The following ZMYM1 variants were observed in gnomAD, a reference collection of about 807,000 sequenced individuals.
The protein encoded by ZMYM1 is zinc finger MYM-type containing 1, also known as zinc finger MYM-type protein 1.
ZMYM1 carries 39 observed loss-of-function variants against 60.0 expected under a neutral mutation model. The observed-to-expected ratio is 0.65, with a 90% CI of 0.50 to 0.85. The LOEUF is 0.85. Ranked by LOEUF, ZMYM1 falls within the 40% of genes least tolerant of loss-of-function variation. The pLI is 0.00. For missense variants in ZMYM1, 1,171 were observed against 1,309.5 expected (o/e 0.89, Z 1.63); for synonymous variants, 413 against 454.0 (o/e 0.91, Z 1.15).
chr1:35,079,766 A>C (rs1569859277), intron 1 of ZMYM1, among the ~76,000 whole-genome samples: 2 of 152,210 alleles, frequency 1.3e-5, no homozygotes, highest in Non-Finnish European at 2.9e-5. Flanking sequence ...CCTCCGTTTC[A>C]GAAGCCCCAT....
chr1:35,091,908 A>AG (rs1349602379), intron 1 of ZMYM1, among the ~76,000 whole-genome samples: 13 of 151,070 alleles, frequency 8.6e-5, no homozygotes, highest in South Asian at 2.1e-4. Flanking sequence ...AAAAAAAAAA[A>AG]AGAGAAAAAG....
At chr1:35,103,691 G>A (rs540960215) in intron 4 of ZMYM1, among the ~76,000 whole-genome samples, 13 of 152,234 alleles carry the variant, frequency 8.5e-5, no homozygotes, top group African/African-American at 2.9e-4. Flanking sequence ...GGATTGCAGG[G>A]TCCTACCATT....
At chr1:35,066,848 T>A (rs187296758) in intron 1 of ZMYM1, among the ~76,000 whole-genome samples, 1 of 151,834 alleles carries the variant, frequency 6.6e-6, no homozygotes, top group Admixed American at 6.6e-5. Flanking sequence ...AGACCCCATC[T>A]CAAAAAAAAA....
intron 1 of ZMYM1, among the ~76,000 whole-genome samples, chr1:35,081,197 A>G (rs762272215): frequency 2.0e-5 from 3 of 152,038 alleles, no homozygotes; most frequent in Non-Finnish European, 2.9e-5. Context: ...GATTGCAGAC[A>G]GGAGCCACCG....
chr1:35,112,833 T>C (rs986130593), intron 9 of ZMYM1, 144 bp from the exon 10 acceptor site: 2 of 630,126 alleles, frequency 3.2e-6, no homozygotes, highest in African/African-American at 3.8e-5. Flanking sequence ...AAATAAGTTA[T>C]ACGTAATTGT....
At position 35,063,396 on chromosome 1, in the gene ZMYM1, C is replaced by CT. The variant is rs554397371; in HGVS notation, c.-301+3472dup. Reference sequence around the variant, plus strand: ...GATCCTGGCTCACCACAGCCTCAGACTCCTGGGTTCAAGCAATCCTCCCAC... The same window carrying CT: ...GATCCTGGCTCACCACAGCCTCAGACTTCCTGGGTTCAAGCAATCCTCCCAC... On this transcript the variant is annotated intron_variant, in intron 1 of 10. Coordinates refer to the ZMYM1 transcript ENST00000417119. Among the ~76,000 whole-genome samples the CT allele has an allele frequency of 9.6e-4, 146 of 152,254 alleles. 1 individual carries two copies. The highest frequency in any genetic ancestry group is 1.6e-3 in the Non-Finnish European group (110 of 68,020).
At chr1:35,111,985 ATT>A (rs1644103948) in intron 8 of ZMYM1, 73 bp downstream of exon 8, 1 of 1,555,060 alleles carries the variant, frequency 6.4e-7, no homozygotes, top group East Asian at 2.3e-5. Flanking sequence ...TATATGCTAA[ATT>A]TTCTTTTTGT....
rs201931798 is a variant in ZMYM1, at chr1:35,115,156, C to T, written c.3326C>T (p.Pro1109Leu). ...ATGGGACAAGAGAAGCTTACTGGCC[C>T]AGCCCTAATGGCTGTTGAGCAGGAG... ...NTMGQEKLTG[P>L]ALMAVEQELV... The change falls in exon 10 of 10, where the codon CCA (proline) becomes CTA (leucine). Residue 1109 changes from proline (P) to leucine (L), a missense_variant. Transcript: ENST00000359858. 2.5e-6 allele frequency: 4 copies of T among 1,613,982 alleles called. No homozygotes were observed. Among genetic ancestry groups the T allele is most frequent in the Non-Finnish European group, 3.4e-6 (4 of 1,179,978 alleles).
chr1:35,093,818 C>A (rs1209620011), intron 1 of ZMYM1, 96 bp from the exon 2 acceptor site: 11 of 430,030 alleles, frequency 2.6e-5, no homozygotes, highest in Non-Finnish European at 4.2e-5. Context: ...AACCTTGATG[C>A]CAAGCTGTCT....
chr1:35,060,133 A>G (rs1188566534), intron 1 of ZMYM1, among the ~76,000 whole-genome samples: 1 of 146,162 alleles, frequency 6.8e-6, no homozygotes, highest in African/African-American at 2.6e-5. Context: ...TGGGGGAAAT[A>G]CTATTTGTTG....
Position 35,097,411 on chromosome 1 carries a change from C to T in ZMYM1, c.264C>T (p.Ser88=). The T allele has an allele frequency of 6.2e-7, 1 of 1,614,054 alleles. No individual in the cohort carries two copies. Among genetic ancestry groups the T allele is most frequent in the Non-Finnish European group, 8.5e-7 (1 of 1,180,010 alleles). ...TTTCAACCACAGCTATTCAGGTTTCCTGTGCTGGTTGTAAAAAAATTCTCC... is the reference window on the plus strand; with the variant it reads ...TTTCAACCACAGCTATTCAGGTTTCTTGTGCTGGTTGTAAAAAAATTCTCC... ...PSVSTTAIQV[S]CAGCKKILQK... is the part of the protein sequence containing the mutation. Residue 88 remains serine, a synonymous_variant, in exon 4 of 10, where the codon TCC becomes TCT. Transcript: ENST00000359858.
At chr1:35,082,905 C>T (rs191874735) in intron 1 of ZMYM1, among the ~76,000 whole-genome samples, 153 of 151,928 alleles carry the variant, frequency 1.0e-3, no homozygotes, top group Non-Finnish European at 1.9e-3. Context: ...CACTTGAACC[C>T]GGGAGGTGGA....
chr1:35,072,759 T>G (rs1401183213), intron 1 of ZMYM1, among the ~76,000 whole-genome samples: 1 of 151,518 alleles, frequency 6.6e-6, no homozygotes, highest in Non-Finnish European at 1.5e-5. Context: ...ACCAGCCTGG[T>G]CAACATAGTG....
At chr1:35,109,166 C>A (rs115024972) in intron 6 of ZMYM1, among the ~76,000 whole-genome samples, 2,261 of 152,112 alleles carry the variant, frequency 0.015, 52 homozygotes, top group African/African-American at 0.05. Flanking sequence ...GGACTACAGG[C>A]GCACGCCACC....
At chr1:35,116,835 ATTTT>A (rs10671957), downstream of ZMYM1, among the ~76,000 whole-genome samples, 2 of 88,966 alleles carry the variant, frequency 2.2e-5, no homozygotes, top group African/African-American at 9.1e-5. Flanking sequence ...TAGGCCTGGA[ATTTT>A]TTTTTTTTTT....
intron 3 of ZMYM1, among the ~76,000 whole-genome samples, chr1:35,096,302 ACT>A (rs1178092749): frequency 6.8e-6 from 1 of 147,764 alleles, no homozygotes; most frequent in East Asian, 2.0e-4. Flanking sequence ...ACAGAGCGAG[ACT>A]CTGTCTAAAA....
intron 1 of ZMYM1, among the ~76,000 whole-genome samples, chr1:35,081,619 T>C (rs1391217447): frequency 6.6e-6 from 1 of 152,250 alleles, no homozygotes; most frequent in African/African-American, 2.4e-5. Context: ...GATTTATTCC[T>C]ATATTTGATA....
chr1:35,115,881 C>CT (rs1644243515), downstream of ZMYM1: 1 of 152,198 alleles, frequency 6.6e-6, no homozygotes, highest in Admixed American at 6.5e-5. Context: ...TTCCTAATCT[C>CT]TTACTTTAAA....
chr1:35,100,962 C>T (rs892968146), intron 4 of ZMYM1, among the ~76,000 whole-genome samples: 1 of 151,944 alleles, frequency 6.6e-6, no homozygotes. Context: ...TGCCACCCTG[C>T]CTGTCCAGTT....
Sources: gnomAD v4.1 joint callset for allele counts (sites outside exome capture counted in the v4.1 genomes callset) on GRCh38, gnomAD v4.1.1 for gene constraint, MANE v1.5 for transcripts, NCBI Gene and HGNC (gene_info 2026-07-23, HGNC 2026-07-21) for gene names.